The following LNX1 variants were observed in gnomAD, a reference collection of about 807,000 sequenced individuals.
The protein encoded by LNX1 is ligand of numb-protein X 1.
In LNX1, 54 loss-of-function variants were observed where a neutral mutation model predicts 68.4. The ratio of observed to expected loss-of-function variants is 0.79; its 90% CI spans 0.63 to 0.99. LNX1 has a LOEUF of 0.99. LNX1 is among the 50% of genes least tolerant of loss of function. LNX1 has a pLI of 0.00. For synonymous variants in LNX1, 336 were observed against 350.0 expected (o/e 0.96, Z 0.45); for missense variants, 906 against 926.4 (o/e 0.98, Z 0.29).
intron 9 of LNX1, among the ~76,000 whole-genome samples, chr4:53,461,939 AACAC>A (rs765546689): frequency 3.5e-4 from 54 of 152,132 alleles, no homozygotes; most frequent in Non-Finnish European, 7.1e-4. Context: ...TTGGTGAACA[AACAC>A]ACTTATGGAT....
chr4:53,510,542 G>T (rs4864769), intron 2 of LNX1, among the ~76,000 whole-genome samples: 146,176 of 152,302 alleles, frequency 0.96, 70,440 homozygotes, highest in East Asian at 1. Flanking sequence ...GATTAGCTGC[G>T]TTGGCTTGGA....
chr4:53,636,215 GAGA>G (rs1380731170), intron 1 of LNX1, among the ~76,000 whole-genome samples: 41 of 148,326 alleles, frequency 2.8e-4, no homozygotes, highest in African/African-American at 9.7e-4. Flanking sequence ...CTTTTCAGGG[GAGA>G]AGGAGTGGTG....
At chr4:53,580,912 T>C (rs1277412694) in intron 1 of LNX1, among the ~76,000 whole-genome samples, 4 of 152,144 alleles carry the variant, frequency 2.6e-5, no homozygotes, top group Admixed American at 6.5e-5. Flanking sequence ...ATGAAAACCA[T>C]TTAAACAAAT....
At chr4:53,640,428 G>T (rs1348685160) in intron 1 of LNX1, among the ~76,000 whole-genome samples, 1 of 151,990 alleles carries the variant, frequency 6.6e-6, no homozygotes, top group African/African-American at 2.4e-5. Context: ...AAAGTAAACA[G>T]AAAAAAATGG....
chr4:53,480,234 A>G (rs1487599680), intron 7 of LNX1, among the ~76,000 whole-genome samples: 2 of 152,218 alleles, frequency 1.3e-5, no homozygotes, highest in Admixed American at 6.5e-5. Flanking sequence ...CAGATAGAAT[A>G]TAAGTTAAAA....
rs11305648 is a variant in LNX1 at position 53,491,273 on chromosome 4, GAAA to G, written c.1350+4747_1350+4749del. 3.4e-3 allele frequency among the ~76,000 whole-genome samples: 497 copies of G among 144,804 alleles called. 2 individuals are homozygous for G. Among genetic ancestry groups the G allele is most frequent in the African/African-American group, 0.01 (404 of 40,222 alleles). 95.0% of individuals were successfully genotyped at this position (144,804 alleles called of 152,430 possible). On this transcript the variant is annotated intron_variant, in intron 6 of 10. Transcript: ENST00000263925. The stretch of plus-strand genomic sequence containing the variant: ...CCTAAAAGGCTAGTTTTCAAAGTGA[GAAA>G]AAAAAAAAAAATCTTGCTAAGAATG...
At chr4:53,642,751 C>T (rs1297851497) in intron 1 of LNX1, among the ~76,000 whole-genome samples, 2 of 152,172 alleles carry the variant, frequency 1.3e-5, no homozygotes, top group African/African-American at 2.4e-5. Context: ...TTTGGGTTGA[C>T]TATAGTCTTG....
chr4:53,564,587 T>C (rs1456195623), intron 2 of LNX1, among the ~76,000 whole-genome samples: 2 of 152,220 alleles, frequency 1.3e-5, no homozygotes, highest in African/African-American at 2.4e-5. Context: ...AGTATGTCAC[T>C]TCATATGGCA....
At chr4:53,503,629 G>A (rs1323661499) in intron 4 of LNX1, among the ~76,000 whole-genome samples, 1 of 152,160 alleles carries the variant, frequency 6.6e-6, no homozygotes, top group Non-Finnish European at 1.5e-5. Context: ...GAAAGCACAG[G>A]CAGAGTAGAT....
intron 2 of LNX1, among the ~76,000 whole-genome samples, chr4:53,525,958 C>T (rs1320662433): frequency 2.0e-5 from 3 of 152,146 alleles, no homozygotes; most frequent in Non-Finnish European, 2.9e-5. Flanking sequence ...AGGTAATTTG[C>T]AAATTGGACT....
intron 2 of LNX1, among the ~76,000 whole-genome samples, chr4:53,533,694 C>A (rs952840611): frequency 1.3e-5 from 2 of 152,188 alleles, no homozygotes; most frequent in African/African-American, 4.8e-5. Context: ...AACACTGTAC[C>A]CAGCCTGGAG....
At chr4:53,608,199 A>C (rs1560692320) in intron 2 of LNX1, among the ~76,000 whole-genome samples, 2 of 152,222 alleles carry the variant, frequency 1.3e-5, no homozygotes, top group Non-Finnish European at 2.9e-5. Context: ...TATGGGAGAA[A>C]ATATTTGTAA....
chr4:53,591,543 C>T (rs1732505349), upstream of LNX1: 20 of 985,386 alleles, frequency 2.0e-5, no homozygotes, highest in Non-Finnish European at 2.4e-5. Context: ...GCATTGGTCG[C>T]TCCAGACCAG....
At chr4:53,543,413 T>C (rs1041526601) in intron 2 of LNX1, among the ~76,000 whole-genome samples, 4 of 152,214 alleles carry the variant, frequency 2.6e-5, no homozygotes, top group Non-Finnish European at 4.4e-5. Context: ...TCATACACAT[T>C]TGATAAGTAT....
chr4:53,606,459 A>AAAAC (rs1222614429), intron 2 of LNX1, among the ~76,000 whole-genome samples: 13 of 131,768 alleles, frequency 9.9e-5, no homozygotes, highest in Non-Finnish European at 1.3e-4. Flanking sequence ...CCAACCAGAA[A>AAAAC]AAACAAACAA....
chr4:53,567,612 C>A (rs1316665277), intron 2 of LNX1, among the ~76,000 whole-genome samples: 11 of 151,724 alleles, frequency 7.3e-5, no homozygotes, highest in East Asian at 5.8e-4. Context: ...AAACACATTC[C>A]AAAGCTAGCA....
intron 1 of LNX1, chr4:53,576,152 C>T (rs753411874): frequency 3.2e-6 from 5 of 1,566,086 alleles, no homozygotes; most frequent in Non-Finnish European, 4.3e-6. Flanking sequence ...CAGCAGGGGG[C>T]CTGGCTGCCC....
chr4:53,572,488 T>G (rs1474922238), intron 2 of LNX1, among the ~76,000 whole-genome samples: 1 of 152,158 alleles, frequency 6.6e-6, no homozygotes, highest in African/African-American at 2.4e-5. Flanking sequence ...AGAGAATCCA[T>G]GCATGTCCCA....
intron 2 of LNX1, among the ~76,000 whole-genome samples, chr4:53,510,921 A>G (rs1579440958): frequency 6.6e-6 from 1 of 152,320 alleles, no homozygotes; most frequent in Non-Finnish European, 1.5e-5. Flanking sequence ...TGCCCCATCA[A>G]TGGGGGTTAC....
Sources: gnomAD v4.1 joint callset for allele counts (sites outside exome capture counted in the v4.1 genomes callset) on GRCh38, gnomAD v4.1.1 for gene constraint, MANE v1.5 for transcripts, NCBI Gene and HGNC (gene_info 2026-07-23, HGNC 2026-07-21) for gene names.